Variants in TPM4 observed in about 807,000 individuals in gnomAD.
The protein encoded by TPM4 is tropomyosin alpha-4 chain.
TPM4 carries 17 observed loss-of-function variants against 35.8 expected under a neutral mutation model. The ratio of observed to expected loss-of-function variants is 0.47; its 90% confidence interval spans 0.32 to 0.71. The LOEUF is 0.71. TPM4 is among the 30% of genes least tolerant of loss of function. TPM4 has a pLI of 0.03. For synonymous variants in TPM4, 120 were observed against 122.9 expected (o/e 0.98, Z 0.15); for missense variants, 240 against 320.9 (o/e 0.75, Z 1.93).
intron 5 of TPM4, among the ~76,000 whole-genome samples, chr19:16,092,612 T>C (rs934554255): frequency 5.9e-5 from 9 of 151,770 alleles, no homozygotes; most frequent in Admixed American, 1.3e-4. Flanking sequence ...CTGGCCTCAC[T>C]ACAGCCTCCA....
At chr19:16,099,931 A>G (rs1334799740) in intron 7 of TPM4, 1 of 152,182 alleles carries the variant, frequency 6.6e-6, no homozygotes, top group Admixed American at 6.5e-5. Context: ...TTACACAATT[A>G]TGTGTATAAT....
intron 3 of TPM4, among the ~76,000 whole-genome samples, chr19:16,087,126 A>G (rs995634513): frequency 1.3e-5 from 2 of 152,004 alleles, no homozygotes; most frequent in African/African-American, 4.8e-5. Context: ...AATAATAATA[A>G]TAATAATTAG....
chr19:16,085,466 C>G (rs942428155), intron 2 of TPM4, among the ~76,000 whole-genome samples: 1 of 151,616 alleles, frequency 6.6e-6, no homozygotes, highest in Non-Finnish European at 1.5e-5. Context: ...CTCAGGAGGC[C>G]GAGGCAACAG....
intron 2 of TPM4, 87 bp from the exon 3 acceptor site, chr19:16,086,336 C>T (rs964128826): frequency 1.1e-5 from 14 of 1,218,282 alleles, no homozygotes; most frequent in Middle Eastern, 2.8e-4. Flanking sequence ...GATGACAGAG[C>T]GAGACTCCAT....
Position 16,102,750 on chromosome 19 carries a change from C to T in TPM4, c.*1404C>T, listed in dbSNP as rs894834609. 7 of 230,502 alleles carry T rather than the reference C, an allele frequency of 3.0e-5. No individual in the cohort carries two copies. Among genetic ancestry groups the T allele is most frequent in the Non-Finnish European group, 5.2e-5 (6 of 116,384 alleles). 14.3% of individuals were successfully genotyped at this position (230,502 alleles called of 1,614,324 possible). On this transcript the variant is annotated 3_prime_UTR_variant, in exon 8 of 8. Coordinates refer to ENST00000643579, the MANE Select transcript of TPM4 (RefSeq NM_003290.3). ...TCTCAGAGCTAGAACATTCCACATT[C>T]CCCAGCAGCGTGTGGGGGCTGACTA... is the stretch of plus-strand genomic sequence containing the variant.
chr19:16,076,004 C>CA (rs1555706864), upstream of TPM4: 27 of 998,884 alleles, frequency 2.7e-5, no homozygotes, highest in Admixed American at 4.2e-4. Context: ...GGGGACGTGA[C>CA]CCCCCCCCCA....
intron 1 of TPM4, among the ~76,000 whole-genome samples, chr19:16,079,401 G>A (rs1251095251): frequency 6.6e-6 from 1 of 152,218 alleles, no homozygotes; most frequent in Non-Finnish European, 1.5e-5. Flanking sequence ...AGTTACTGAA[G>A]GTGGTAGGAG....
At chr19:16,097,958 C>T (rs1206755860) in intron 7 of TPM4, among the ~76,000 whole-genome samples, 1 of 152,188 alleles carries the variant, frequency 6.6e-6, no homozygotes, top group East Asian at 1.9e-4. Flanking sequence ...AAAAACCATT[C>T]CCCTCACACA....
At chr19:16,076,369 C>G, upstream of TPM4, 1 of 1,438,568 alleles carries the variant, frequency 7.0e-7, no homozygotes, top group South Asian at 1.5e-5. Flanking sequence ...GGCCCTCCCC[C>G]AGCGGTGCTG....
chr19:16,088,345 G>A, intron 4 of TPM4: 1 of 1,328,136 alleles, frequency 7.5e-7, no homozygotes, highest in Non-Finnish European at 9.7e-7. Flanking sequence ...GAGTGAGACA[G>A]GAGGCAGCAG....
At chr19:16,073,961 C>CA (rs2090379303), upstream of TPM4, among the ~76,000 whole-genome samples, 6 of 30,420 alleles carry the variant, frequency 2.0e-4, no homozygotes, top group African/African-American at 4.5e-4. Flanking sequence ...AAAAAAAAAA[C>CA]GCAAAAAAAA....
In TPM4 at chr19:16,067,561, C is replaced by T; in HGVS notation, c.-64C>T. ...TCACTCTGCCCCACAGCCACAGCCC[C>T]TGACTGCCGCAGCCCCCACAGAGCC... On this transcript the variant is annotated 5_prime_UTR_variant, in exon 2 of 3. Transcript: ENST00000589897. This position sits in a 1 kb window ranked among gnomAD's most constrained non-coding sequence, Gnocchi z 4.1. 1 of 1,481,592 alleles carries T rather than the reference C, an allele frequency of 6.7e-7. No individual in the cohort carries two copies. The highest frequency in any genetic ancestry group is 9.3e-7 in the Non-Finnish European group (1 of 1,078,776). The allele number at this position is 1,481,592 out of a possible 1,614,324, so 91.8% of individuals were successfully genotyped here.
At chr19:16,093,455 A>C (rs1356972678) in intron 5 of TPM4, 81 bp from the exon 6 acceptor site, 1 of 1,526,994 alleles carries the variant, frequency 6.5e-7, no homozygotes, top group Non-Finnish European at 9.0e-7. Context: ...CAGGCTCCCA[A>C]AGTGCCAGGA....
At chr19:16,080,318 G>A (rs541047645) in intron 1 of TPM4, 16 of 207,614 alleles carry the variant, frequency 7.7e-5, no homozygotes, top group South Asian at 1.9e-4. Flanking sequence ...AAATGGGTGC[G>A]ATGTGTGAGG....
At chr19:16,085,398 C>CA (rs1425725136) in intron 2 of TPM4, among the ~76,000 whole-genome samples, 1 of 152,134 alleles carries the variant, frequency 6.6e-6, no homozygotes, top group Admixed American at 6.5e-5. Flanking sequence ...CCCACCTCCA[C>CA]AAAAAATTTT....
intron 5 of TPM4, chr19:16,093,173 G>GT (rs34021207): frequency 0.34 from 61,079 of 179,196 alleles, 10,573 homozygotes; most frequent in East Asian, 0.74. Context: ...CTTTCTTTCT[G>GT]TTTTTTTTTT....
At chr19:16,074,022 CA>C (rs1240137851), upstream of TPM4, among the ~76,000 whole-genome samples, 105 of 105,360 alleles carry the variant, frequency 1.0e-3, no homozygotes, top group African/African-American at 3.3e-3. Flanking sequence ...AAAAAAAAGG[CA>C]AAAAAAAAAC....
intron 6 of TPM4, 24 bp downstream of exon 6, chr19:16,093,622 G>A: frequency 1.2e-6 from 2 of 1,614,186 alleles, no homozygotes; most frequent in Non-Finnish European, 1.7e-6. Flanking sequence ...CACCCAGCGA[G>A]CTCTGGTTTC....
chr19:16,093,269 C>T, intron 5 of TPM4: 1 of 439,926 alleles, frequency 2.3e-6, no homozygotes, highest in Non-Finnish European at 4.2e-6. Flanking sequence ...GATCTCGGCT[C>T]ACTGCAACCT....
Sources: gnomAD v4.1 joint callset for allele counts (sites outside exome capture counted in the v4.1 genomes callset) on GRCh38, gnomAD v4.1.1 for gene constraint, Gnocchi (gnomAD v3.1) non-coding constraint, MANE v1.5 for transcripts, NCBI Gene and HGNC (gene_info 2026-07-23, HGNC 2026-07-21) for gene names.